The following COL6A2 variants were observed in gnomAD, a reference collection of about 807,000 sequenced individuals.
The protein encoded by COL6A2 is collagen alpha-2(VI) chain.
A neutral mutation model predicts 124.9 loss-of-function variants in COL6A2; 90 were observed. The ratio of observed to expected loss-of-function variants is 0.72; its 90% CI spans 0.61 to 0.86. The LOEUF (loss-of-function observed/expected upper bound fraction) is 0.86, where lower values mean the gene tolerates loss of function less well. COL6A2 is among the 40% of genes least tolerant of loss of function. The pLI is 0.00. For missense variants in COL6A2, 1,607 were observed against 1,502.5 expected, an observed-to-expected ratio of 1.07 and a Z score of -1.15; for synonymous variants, 793 against 618.2, an observed-to-expected ratio of 1.28 and a Z score of -4.19.
chr21:46,125,571 G>C lies in COL6A2; in HGVS notation c.1923G>C (p.Val641=). Residue 641 remains valine, a synonymous_variant, in exon 25 of 28, where the codon GTG becomes GTC. Transcript: ENST00000300527. Reference sequence around the variant, plus strand: ...TGGAGAAGAACTTCGTCATCAACGTGGTCAACAGGCTGGGTGCCATCGCTA... The same window carrying C: ...TGGAGAAGAACTTCGTCATCAACGTCGTCAACAGGCTGGGTGCCATCGCTA... The part of the protein sequence containing the change: ...FTLEKNFVIN[V]VNRLGAIAKD... 6.2e-7 allele frequency: 1 copy of C among 1,612,918 alleles called. No homozygotes were observed.
chr21:46,129,675 C>G, intron 27 of COL6A2: 1 of 1,419,958 alleles, frequency 7.0e-7, no homozygotes, highest in Non-Finnish European at 9.2e-7. Context: ...CACCGTGTCC[C>G]TTGCTGCGGC....
chr21:46,125,760 A>T (rs964456125), intron 25 of COL6A2, 25 bp from the exon 26 acceptor site: 1 of 1,608,488 alleles, frequency 6.2e-7, no homozygotes, highest in African/African-American at 1.3e-5. Context: ...GCCTCTGGCA[A>T]CGACCTCACG....
chr21:46,128,789 G>T, intron 27 of COL6A2: 1 of 878,428 alleles, frequency 1.1e-6, no homozygotes, highest in Non-Finnish European at 1.9e-6. Context: ...GCTGAGGAAG[G>T]GTTTACCACC....
Position 46,122,145 on chromosome 21 carries a change from C to A in COL6A2, c.1559C>A (p.Pro520His), listed in dbSNP as rs2078576778. The change falls in exon 19 of 28, where the codon CCC becomes CAC. Residue 520 changes from proline to histidine, a missense_variant. This residue lies in a region of COL6A2 where 1,223 missense variants were observed against 1,052.2 expected (regional missense o/e 1.16). Coordinates refer to ENST00000300527, the MANE Select transcript of COL6A2 (RefSeq NM_001849.4). The stretch of plus-strand genomic sequence containing the variant: ...AGGCCTGGATTCAGCTACCCAGGAC[C>A]CCGAGGAGCACCCGTGAGTCACAGC... ...PGRPGFSYPG[P>H]RGAPGEKGEP... 2 of 1,612,678 alleles carry A rather than the reference C, an allele frequency of 1.2e-6. No homozygotes were observed. The highest frequency in any genetic ancestry group is 2.2e-5 in the South Asian group (2 of 91,050).
intron 22 of COL6A2, 80 bp downstream of exon 22, chr21:46,124,793 G>T (rs142824904): frequency 1.3e-6 from 2 of 1,598,596 alleles, no homozygotes; most frequent in East Asian, 2.2e-5. Context: ...TTCTGCCCAC[G>T]GTGGACCCAC....
chr21:46,128,174 A>G (rs2078702526), intron 27 of COL6A2, among the ~76,000 whole-genome samples: 1 of 152,132 alleles, frequency 6.6e-6, no homozygotes, highest in South Asian at 2.1e-4. Context: ...AGGCCACCAG[A>G]GCACCACAGG....
rs1035908319 is a variant in COL6A2 at position 46,120,542 on chromosome 21, G to A, written c.1360G>A (p.Gly454Ser). 40 of 1,478,130 alleles carry A rather than the reference G, an allele frequency of 2.7e-5. No homozygotes were observed. The highest frequency in any genetic ancestry group is 1.7e-4 in the African/African-American group (12 of 69,716). 91.6% of individuals were successfully genotyped at this position (1,478,130 alleles called of 1,614,324 possible). A position where few individuals can be genotyped will look rare whatever the true frequency, so the allele number is the denominator to read the frequency against. ...GGACCCTGGCCCTGAGGGGCCCCGC[G>A]GCCTGGCTGGAGAGGTTGGCAACAA... is the stretch of plus-strand genomic sequence containing the variant. Reference protein sequence around the residue: ...KGDPGPEGPRGLAGEVGNKGA... With the variant: ...KGDPGPEGPRSLAGEVGNKGA... The change falls in exon 16 of 28, where the codon GGC (glycine) becomes AGC (serine). Residue 454 changes from glycine (G) to serine (S), a missense_variant. Physicochemically the swap from Gly to Ser is moderately conservative, Grantham distance 56. Transcript: ENST00000300527.
intron 19 of COL6A2, 22 bp downstream of exon 19, chr21:46,122,180 C>T (rs761637842): frequency 6.2e-7 from 1 of 1,611,180 alleles, no homozygotes; most frequent in South Asian, 1.1e-5. Context: ...CCTGGGATGG[C>T]AGCTCCCAGG....
At position 46,121,582 on chromosome 21, in the gene COL6A2, A is replaced by C; in HGVS notation, c.1485A>C (p.Ala495=). The change falls in exon 18 of 28, where the codon GCA becomes GCC. Residue 495 remains alanine, a synonymous_variant. Coordinates refer to ENST00000300527, the MANE Select transcript of COL6A2 (RefSeq NM_001849.4). The part of the protein sequence containing the change: ...KQGSRGDPGD[A]GPRGDSGQPG... ...GATCTCGGGGAGACCCCGGTGATGC[A>C]GGACCCCGTGGAGACTCAGGACAGC... is the stretch of plus-strand genomic sequence containing the variant. The C allele has an allele frequency of 6.2e-7, 1 of 1,612,784 alleles. No homozygotes were observed. Among genetic ancestry groups the C allele is most frequent in the Non-Finnish European group, 8.5e-7 (1 of 1,179,938 alleles).
chr21:46,103,661 TG>T, intron 1 of COL6A2, among the ~76,000 whole-genome samples: 1 of 152,374 alleles, frequency 6.6e-6, no homozygotes, highest in South Asian at 2.1e-4. Flanking sequence ...CTCTGATCCT[TG>T]GTTATTTAAC....
rs546431197 is a variant in COL6A2, at chr21:46,126,456, G to A, written c.2423-47G>A. On this transcript the variant is annotated intron_variant, in intron 26 of 27. Coordinates refer to ENST00000300527, the MANE Select transcript of COL6A2 (RefSeq NM_001849.4). Reference sequence around the variant, plus strand: ...ATCAGTGAACGGCCGCTGAGGGTTCGCTAGGGACTGACCCTGGCCTGGCCC... The same window carrying A: ...ATCAGTGAACGGCCGCTGAGGGTTCACTAGGGACTGACCCTGGCCTGGCCC... 4.2e-5 allele frequency: 68 copies of A among 1,604,264 alleles called. No homozygotes were observed. The East Asian group carries it at 9.4e-4, about 22-fold the overall frequency.
At chr21:46,130,107 A>G (rs1411603291) in intron 27 of COL6A2, among the ~76,000 whole-genome samples, 1 of 152,176 alleles carries the variant, frequency 6.6e-6, no homozygotes, top group Admixed American at 6.5e-5. Flanking sequence ...GTTGGGCAGC[A>G]GATAGTCCTG....
chr21:46,126,507 T>G lies in COL6A2; in HGVS notation c.2427T>G (p.Pro809=). Residue 809 remains proline, a synonymous_variant, in exon 27 of 28, where the codon CCT becomes CCG. Transcript: ENST00000300527. The part of the protein sequence containing the change: ...DDMEDVLCPD[P]QIVCPDLPCQ... ...GGCCTCTCTCCTCTCTTCCAGACCC[T>G]CAGATCGTGTGCCCAGACCTTCCCT... 6.2e-7 allele frequency: 1 copy of G among 1,606,546 alleles called. No homozygotes were observed. Among genetic ancestry groups the G allele is most frequent in the African/African-American group, 1.3e-5 (1 of 74,732 alleles).
At chr21:46,130,442 C>T (rs2078746027) in intron 27 of COL6A2, among the ~76,000 whole-genome samples, 1 of 152,148 alleles carries the variant, frequency 6.6e-6, no homozygotes, top group Admixed American at 6.5e-5. Flanking sequence ...TCCTGCCGGG[C>T]ACGGCTGTGA....
rs2078354954 is a variant in COL6A2, at chr21:46,108,100, A to G, written c.-27-3350A>G. On this transcript the variant is annotated intron_variant, in intron 1 of 27. Coordinates refer to ENST00000300527, the MANE Select transcript of COL6A2 (RefSeq NM_001849.4). ...TCTCTCTTTCTCTCTGTCTATATAT[A>G]TATATATTTTTTTTTCTCTTTTTTA... is the stretch of plus-strand genomic sequence containing the variant. Among the ~76,000 whole-genome samples, 3 of 137,400 alleles carry G rather than the reference A, an allele frequency of 2.2e-5. No homozygotes were observed. In the South Asian group the frequency reaches 6.8e-4, roughly 31 times the overall value. The allele number at this position is 137,400 out of a possible 152,430, so 90.1% of individuals were successfully genotyped here. A position where few individuals can be genotyped will look rare whatever the true frequency, so the allele number is the denominator to read the frequency against.
chr21:46,101,079 G>GT (rs1242174447), intron 1 of COL6A2, among the ~76,000 whole-genome samples: 11 of 151,922 alleles, frequency 7.2e-5, no homozygotes, highest in Admixed American at 5.9e-4. Flanking sequence ...GGTTCGCTTG[G>GT]TTTTTTTTAA....
Position 46,118,606 on chromosome 21 carries a change from C to T in COL6A2, c.1117-8C>T, listed in dbSNP as rs1601231143. On this transcript the variant is annotated splice_polypyrimidine_tract_variant and splice_region_variant and intron_variant, in intron 12 of 27. Transcript: ENST00000300527. ...AAGACGTGAGGCTGATTCTGCAAACCCTTCCAGGGGGACCCTGGCCGCCCA... is the reference window on the plus strand; with the variant it reads ...AAGACGTGAGGCTGATTCTGCAAACTCTTCCAGGGGGACCCTGGCCGCCCA... The T allele has an allele frequency of 6.2e-7, 1 of 1,612,456 alleles. No individual in the cohort carries two copies.
chr21:46,110,179 C>T (rs952653877), intron 1 of COL6A2, among the ~76,000 whole-genome samples: 8 of 152,176 alleles, frequency 5.3e-5, no homozygotes, highest in African/African-American at 1.2e-4. Flanking sequence ...CCCATGGCAG[C>T]GGCCCCCAGG....
At chr21:46,111,295 TGGTGAC>T in intron 1 of COL6A2, 149 bp from the exon 2 acceptor site, 1 of 586,372 alleles carries the variant, frequency 1.7e-6, no homozygotes, top group Non-Finnish European at 3.1e-6. Context: ...GTCCAGATGC[TGGTGAC>T]GGTGTGTGCT....
Sources: gnomAD v4.1 joint callset for allele counts (sites outside exome capture counted in the v4.1 genomes callset) on GRCh38, gnomAD v4.1.1 for gene constraint, gnomAD v4.1.1 regional missense constraint, MANE v1.5 for transcripts, NCBI Gene and HGNC (gene_info 2026-07-23, HGNC 2026-07-21) for gene names.